NTM: variants seen among roughly 807,000 people sequenced by gnomAD.
The protein encoded by NTM is neurotrimin.
Under a neutral mutation model 42.1 loss-of-function variants are expected in NTM, and 13 were observed. That is an observed-to-expected ratio of 0.31 (90% CI 0.20 to 0.49). The LOEUF is 0.49. Ranked by LOEUF, NTM falls within the 20% of genes least tolerant of loss-of-function variation. The pLI is 0.99. For synonymous variants in NTM, 187 were observed against 179.2 expected, an observed-to-expected ratio of 1.04 and a Z score of -0.35; for missense variants, 373 against 452.8, an observed-to-expected ratio of 0.82 and a Z score of 1.60.
At chr11:131,385,914 T>C (rs1439280964) in intron 1 of NTM, among the ~76,000 whole-genome samples, 1 of 152,104 alleles carries the variant, frequency 6.6e-6, no homozygotes, top group Admixed American at 6.6e-5. Context: ...GTCAGTGAAT[T>C]GGAAAAAAAT....
intron 1 of NTM, among the ~76,000 whole-genome samples, chr11:131,850,973 A>G (rs2045465107): frequency 6.6e-6 from 1 of 152,166 alleles, no homozygotes; most frequent in African/African-American, 2.4e-5. Context: ...TCGTCTTTGC[A>G]GAACATCATT....
At chr11:132,012,623 TA>T (rs1380650804) in intron 2 of NTM, among the ~76,000 whole-genome samples, 2 of 152,232 alleles carry the variant, frequency 1.3e-5, no homozygotes, top group Non-Finnish European at 2.9e-5. Context: ...CCAAAAATTG[TA>T]GCACATTTGC....
intron 1 of NTM, among the ~76,000 whole-genome samples, chr11:131,598,392 C>T (rs2059994793): frequency 6.6e-6 from 1 of 152,184 alleles, no homozygotes; most frequent in Non-Finnish European, 1.5e-5. Context: ...CAACAAATCC[C>T]TTGTACTACA....
At chr11:131,915,012 C>T (rs1315620507) in intron 2 of NTM, among the ~76,000 whole-genome samples, 1 of 152,170 alleles carries the variant, frequency 6.6e-6, no homozygotes, top group Non-Finnish European at 1.5e-5. Flanking sequence ...GCTTTGAAGC[C>T]AGGCTATGAA....
chr11:132,037,889 A>C (rs765366310), intron 2 of NTM, among the ~76,000 whole-genome samples: 6 of 152,250 alleles, frequency 3.9e-5, no homozygotes, highest in Non-Finnish European at 8.8e-5. Flanking sequence ...AGCCAGTCTC[A>C]TTGCTGTTAA....
At chr11:131,495,106 T>C (rs1200412342) in intron 1 of NTM, among the ~76,000 whole-genome samples, 1 of 152,202 alleles carries the variant, frequency 6.6e-6, no homozygotes, top group East Asian at 1.9e-4. Flanking sequence ...AAGAGACTGA[T>C]TGAAGGGCTG....
chr11:131,876,320 A>T (rs1441864766), intron 1 of NTM, among the ~76,000 whole-genome samples: 1 of 152,202 alleles, frequency 6.6e-6, no homozygotes, highest in Admixed American at 6.5e-5. Context: ...AAAGCTTGTG[A>T]TGAAGATGCC....
At chr11:132,145,117 A>G (rs987443544) in intron 2 of NTM, among the ~76,000 whole-genome samples, 2 of 152,214 alleles carry the variant, frequency 1.3e-5, no homozygotes, top group Non-Finnish European at 2.9e-5. Context: ...TATGAGTCTC[A>G]CATAGTACCA....
At chr11:131,906,414 C>A (rs369592191) in intron 1 of NTM, among the ~76,000 whole-genome samples, 1 of 152,070 alleles carries the variant, frequency 6.6e-6, no homozygotes, top group Non-Finnish European at 1.5e-5. Context: ...ACGATCAACT[C>A]CTCCTCCTTC....
At chr11:131,907,759 T>C (rs1205788629) in intron 1 of NTM, among the ~76,000 whole-genome samples, 1 of 152,176 alleles carries the variant, frequency 6.6e-6, no homozygotes, top group Non-Finnish European at 1.5e-5. Flanking sequence ...TTGAATGTCA[T>C]CCCTTTTCAT....
intron 1 of NTM, among the ~76,000 whole-genome samples, chr11:131,767,784 C>T (rs560367529): frequency 7.2e-5 from 11 of 152,308 alleles, no homozygotes; most frequent in African/African-American, 2.4e-4. Context: ...TTGCCCGACA[C>T]ATGGCAAGCC....
chr11:132,207,528 A>C (rs2082173207), intron 3 of NTM, among the ~76,000 whole-genome samples: 1 of 152,204 alleles, frequency 6.6e-6, no homozygotes, highest in Admixed American at 6.5e-5. Context: ...TACAATGCAT[A>C]ATAAATGTAA....
chr11:131,873,639 A>AGG (rs1565658140), intron 1 of NTM, among the ~76,000 whole-genome samples: 1 of 122,992 alleles, frequency 8.1e-6, no homozygotes, highest in African/African-American at 4.0e-5. Context: ...ATATATACAC[A>AGG]TATATATATA....
intron 1 of NTM, among the ~76,000 whole-genome samples, chr11:131,405,054 C>A (rs1234869080): frequency 6.6e-6 from 1 of 152,142 alleles, no homozygotes; most frequent in Non-Finnish European, 1.5e-5. Context: ...AGAACATCCA[C>A]AGCTGACAAT....
intron 4 of NTM, among the ~76,000 whole-genome samples, chr11:132,251,243 T>C (rs1488175618): frequency 6.6e-6 from 1 of 152,244 alleles, no homozygotes; most frequent in Non-Finnish European, 1.5e-5. Context: ...CTTTGATTCC[T>C]GTTCCCCTGT....
At chr11:131,469,674 A>G (rs1952242722) in intron 1 of NTM, among the ~76,000 whole-genome samples, 1 of 152,348 alleles carries the variant, frequency 6.6e-6, no homozygotes, top group East Asian at 1.9e-4. Flanking sequence ...GGCTAAACCC[A>G]TGTACTACCA....
chr11:131,724,836 G>C (rs753918525), intron 1 of NTM, among the ~76,000 whole-genome samples: 20 of 152,362 alleles, frequency 1.3e-4, no homozygotes, highest in East Asian at 1.9e-4. Context: ...AGAGCAGCCA[G>C]TGAGAGGTGG....
chr11:131,952,491 G>A (rs1173452149), intron 2 of NTM, among the ~76,000 whole-genome samples: 1 of 152,078 alleles, frequency 6.6e-6, no homozygotes, highest in African/African-American at 2.4e-5. Context: ...ATACTTATGG[G>A]CATTTTAATT....
rs866404432 is a variant in NTM at position 131,789,423 on chromosome 11, G to A, written c.83-122141G>A. Reference sequence around the variant, plus strand: ...TATTGCTGCAGTTAAAAGAAAAAAAGAAGAAGGAAGAAGAAGAAGAAGAAG... The same window carrying A: ...TATTGCTGCAGTTAAAAGAAAAAAAAAAGAAGGAAGAAGAAGAAGAAGAAG... On this transcript the variant is annotated intron_variant, in intron 1 of 8. Transcript: ENST00000683400. Among the ~76,000 whole-genome samples, 23 of 24,032 alleles carry A rather than the reference G, an allele frequency of 9.6e-4. 4 individuals carry two copies. Among genetic ancestry groups the A allele is most frequent in the African/African-American group, 5.5e-3 (23 of 4,162 alleles). The allele number at this position is 24,032 out of a possible 152,430, so 15.8% of individuals were successfully genotyped here.
Sources: gnomAD v4.1 joint callset for allele counts (sites outside exome capture counted in the v4.1 genomes callset) on GRCh38, gnomAD v4.1.1 for gene constraint, MANE v1.5 for transcripts, NCBI Gene and HGNC (gene_info 2026-07-23, HGNC 2026-07-21) for gene names.